SCLT1: variants seen among roughly 807,000 people sequenced by gnomAD.
SCLT1 encodes the protein sodium channel and clathrin linker 1, also known as sodium channel-associated protein 1.
A neutral mutation model predicts 112.8 loss-of-function variants in SCLT1; 78 were observed. That is an observed-to-expected ratio of 0.69 (90% CI 0.58 to 0.83). The LOEUF is 0.83. Among genes scored for constraint, SCLT1 ranks in the 40% least tolerant of loss-of-function variants. The pLI is 0.00. For synonymous variants in SCLT1, 257 were observed against 254.7 expected (o/e 1.01, Z -0.09); for missense variants, 747 against 770.4 (o/e 0.97, Z 0.36).
intron 5 of SCLT1, among the ~76,000 whole-genome samples, chr4:129,027,707 T>G (rs1297819681): frequency 6.6e-6 from 1 of 152,058 alleles, no homozygotes; most frequent in African/African-American, 2.4e-5. Context: ...AAATAAAGGG[T>G]ATTCAATTAG....
intron 2 of SCLT1, among the ~76,000 whole-genome samples, chr4:129,063,732 C>T (rs535331632): frequency 5.3e-5 from 8 of 152,298 alleles, no homozygotes; most frequent in Admixed American, 2.0e-4. Flanking sequence ...TCTTGAGTTT[C>T]AAGCCCTGAC....
chr4:128,873,857 TCAA>T (rs1405155623), intron 5 of SCLT1: 3 of 152,770 alleles, frequency 2.0e-5, no homozygotes, highest in African/African-American at 4.8e-5. Flanking sequence ...CAGATGATTG[TCAA>T]CAACAAAAAA....
intron 5 of SCLT1, among the ~76,000 whole-genome samples, chr4:129,033,422 A>G (rs1442798674): frequency 1.4e-5 from 2 of 145,132 alleles, no homozygotes; most frequent in African/African-American, 2.5e-5. Flanking sequence ...ACGGGTTGAT[A>G]GGTGCAGCAA....
intron 15 of SCLT1, among the ~76,000 whole-genome samples, 195 bp from the exon 16 acceptor site, chr4:128,946,347 T>A (rs556521023): frequency 1.3e-5 from 2 of 152,234 alleles, no homozygotes; most frequent in South Asian, 4.1e-4. Flanking sequence ...AAAACTAATA[T>A]ATAAAATAAT....
At chr4:128,915,402 T>TC (rs1271559508) in intron 18 of SCLT1, among the ~76,000 whole-genome samples, 1 of 152,244 alleles carries the variant, frequency 6.6e-6, no homozygotes, top group African/African-American at 2.4e-5. Flanking sequence ...AAAAACTATT[T>TC]CACCCAATTA....
chr4:129,013,835 G>T (rs1451044088), intron 5 of SCLT1, among the ~76,000 whole-genome samples: 1 of 152,130 alleles, frequency 6.6e-6, no homozygotes, highest in Non-Finnish European at 1.5e-5. Flanking sequence ...TACATTTCCT[G>T]AATTTGAATG....
At chr4:129,087,868 T>G (rs1356125119) in intron 1 of SCLT1, among the ~76,000 whole-genome samples, 1 of 150,560 alleles carries the variant, frequency 6.6e-6, no homozygotes, top group Admixed American at 6.6e-5. Context: ...AGAGGATCAC[T>G]TGAGCCCAGG....
intron 5 of SCLT1, among the ~76,000 whole-genome samples, chr4:129,020,403 C>T (rs2126120668): frequency 6.6e-6 from 1 of 152,316 alleles, no homozygotes; most frequent in East Asian, 1.9e-4. Flanking sequence ...CAGACAGAAG[C>T]CAATGATTAG....
chr4:129,042,651 A>T (rs1195747933), intron 4 of SCLT1, among the ~76,000 whole-genome samples: 7 of 151,996 alleles, frequency 4.6e-5, no homozygotes, highest in Non-Finnish European at 1.0e-4. Context: ...TGAAGAGAAT[A>T]TTTTTTTTCT....
intron 5 of SCLT1, among the ~76,000 whole-genome samples, chr4:129,027,169 G>C (rs1746185527): frequency 6.6e-6 from 1 of 152,110 alleles, no homozygotes; most frequent in Non-Finnish European, 1.5e-5. Context: ...CCAATCAATA[G>C]AAAAGGAGGG....
At position 128,972,824 on chromosome 4, in the gene SCLT1, T is replaced by TA. The variant is rs1160376976; in HGVS notation, c.687-2357dup. Among the ~76,000 whole-genome samples the TA allele has an allele frequency of 9.9e-5, 15 of 152,252 alleles. No homozygotes were observed. The East Asian group carries it at 2.3e-3, about 24-fold the overall frequency. On this transcript the variant is annotated intron_variant, in intron 9 of 20. Coordinates refer to ENST00000281142, the MANE Select transcript of SCLT1 (RefSeq NM_144643.4). ...ATTCTTTATAATGTATCTTATCTGT[T>TA]AAAAAAATTATCTAGTAATAAAAAC...
chr4:129,089,427 AGT>A (rs1205111845), intron 1 of SCLT1, among the ~76,000 whole-genome samples: 1 of 152,252 alleles, frequency 6.6e-6, no homozygotes, highest in Non-Finnish European at 1.5e-5. Context: ...AGTGTAAATT[AGT>A]TCAACCATTG....
chr4:128,962,722 C>T (rs1017488803), intron 11 of SCLT1, among the ~76,000 whole-genome samples: 1 of 152,178 alleles, frequency 6.6e-6, no homozygotes, highest in Non-Finnish European at 1.5e-5. Context: ...CCTCAGACCC[C>T]TTCCTTTTCT....
chr4:128,922,514 G>A (rs1424854385), intron 18 of SCLT1, among the ~76,000 whole-genome samples: 1 of 152,120 alleles, frequency 6.6e-6, no homozygotes, highest in Non-Finnish European at 1.5e-5. Context: ...CACGGATGGA[G>A]TTGGAGGCCA....
intron 4 of SCLT1, 147 bp from the exon 5 acceptor site, chr4:129,039,243 T>C (rs531356484): frequency 3.5e-6 from 2 of 566,076 alleles, no homozygotes; most frequent in African/African-American, 3.8e-5. Flanking sequence ...GGATAATTAA[T>C]ATGGATAATT....
chr4:128,970,477 T>A lies in SCLT1; in HGVS notation c.687-9A>T, dbSNP rs774440771. 14 of 1,449,540 alleles carry A rather than the reference T, an allele frequency of 9.7e-6. No individual in the cohort carries two copies. The highest frequency in any genetic ancestry group is 1.4e-5 in the Non-Finnish European group (14 of 1,032,014). The allele number at this position is 1,449,540 out of a possible 1,614,324, so 89.8% of individuals were successfully genotyped here. The stretch of plus-strand genomic sequence containing the variant: ...GCTCTAATTTGGCTTGCCTAAAAAA[T>A]AAAGTAAATTAATAAACACTGTTTT... On this transcript the variant is annotated splice_polypyrimidine_tract_variant and intron_variant, in intron 9 of 20. Transcript: ENST00000281142.
chr4:128,907,495 G>C (rs891488671), intron 18 of SCLT1, among the ~76,000 whole-genome samples: 16 of 152,028 alleles, frequency 1.1e-4, no homozygotes, highest in African/African-American at 3.9e-4. Context: ...TTGAGCAACT[G>C]GGTAGATGAT....
chr4:129,007,155 T>G (rs1744101629), intron 5 of SCLT1, among the ~76,000 whole-genome samples: 1 of 152,220 alleles, frequency 6.6e-6, no homozygotes, highest in African/African-American at 2.4e-5. Flanking sequence ...GAGTTGCTTT[T>G]TTTTTGAGTT....
rs1036452330 is a variant in SCLT1, at chr4:128,947,830, A to G, written c.1293+666T>C. On this transcript the variant is annotated intron_variant, in intron 15 of 20. Transcript: ENST00000281142. ...TCTGTACTTCTAAAAGGTAAAAATC[A>G]TAGCAATGCTATAATTTTCTGGTTA... is the stretch of plus-strand genomic sequence containing the variant. Among the ~76,000 whole-genome samples, 11 of 152,202 alleles carry G rather than the reference A, an allele frequency of 7.2e-5. 1 individual carries two copies. The highest frequency in any genetic ancestry group is 2.7e-4 in the African/African-American group (11 of 41,450).
Sources: allele counts gnomAD v4.1 joint callset (sites outside exome capture counted in the v4.1 genomes callset), GRCh38; gene constraint gnomAD v4.1.1; transcripts MANE v1.5; gene names NCBI Gene and HGNC (gene_info 2026-07-23, HGNC 2026-07-21).